The following IQCK variants were observed in gnomAD, a reference collection of about 807,000 sequenced individuals.
IQCK encodes the protein IQ domain-containing protein K.
Under a neutral mutation model 28.1 loss-of-function variants are expected in IQCK, and 29 were observed. That is an observed-to-expected ratio of 1.03 (90% CI 0.77 to 1.41). The LOEUF (loss-of-function observed/expected upper bound fraction) is 1.41. Among genes scored for constraint, IQCK ranks in the 40% most tolerant of loss-of-function variants. IQCK has a pLI of 0.00. For synonymous variants in IQCK, 113 were observed against 115.1 expected (o/e 0.98, Z 0.12); for missense variants, 359 against 314.7 (o/e 1.14, Z -1.07).
chr16:19,781,045 G>A (rs2055475600), intron 6 of IQCK, among the ~76,000 whole-genome samples: 1 of 152,164 alleles, frequency 6.6e-6, no homozygotes, highest in African/African-American at 2.4e-5. Context: ...TTTGAAAAGG[G>A]TGGGGAGGTA....
chr16:19,747,715 C>T (rs925847081), intron 4 of IQCK, among the ~76,000 whole-genome samples: 2 of 152,144 alleles, frequency 1.3e-5, no homozygotes, highest in African/African-American at 4.8e-5. Flanking sequence ...GTTTTAGCAC[C>T]CACTTATGAG....
At chr16:19,753,916 C>G (rs1276862654) in intron 4 of IQCK, among the ~76,000 whole-genome samples, 1 of 152,078 alleles carries the variant, frequency 6.6e-6, no homozygotes, top group Non-Finnish European at 1.5e-5. Context: ...CAAACTCTTT[C>G]AGGAAAGCAA....
At chr16:19,857,285 C>G (rs2056573864) in exon 10 of IQCK, 1 of 340,126 alleles carries the variant, frequency 2.9e-6, no homozygotes, top group South Asian at 2.4e-5. Context: ...TGACAAGCTA[C>G]CACACGTCTT....
chr16:19,753,827 T>A (rs2055017750), intron 4 of IQCK, among the ~76,000 whole-genome samples: 1 of 151,902 alleles, frequency 6.6e-6, no homozygotes, highest in Non-Finnish European at 1.5e-5. Context: ...CCGGGCTGGC[T>A]TCCTTTGGAT....
At chr16:19,730,348 A>T in intron 1 of IQCK, 82 bp from the exon 2 acceptor site, 1 of 1,050,176 alleles carries the variant, frequency 9.5e-7, no homozygotes, top group Non-Finnish European at 1.4e-6. Flanking sequence ...AAATTTAAGA[A>T]TGTTTTATTC....
At chr16:19,734,939 A>G (rs530739381) in intron 3 of IQCK, among the ~76,000 whole-genome samples, 3 of 152,152 alleles carry the variant, frequency 2.0e-5, no homozygotes, top group Admixed American at 2.0e-4. Context: ...TGCCTTCTGC[A>G]TGCCTTGGGC....
intron 3 of IQCK, 28 bp downstream of exon 3, chr16:19,733,855 A>C (rs746908243): frequency 6.2e-7 from 1 of 1,613,126 alleles, no homozygotes; most frequent in East Asian, 2.2e-5. Context: ...CATCTTTTAT[A>C]ATTTGGGGCT....
chr16:19,776,215 G>A (rs1416990554), intron 6 of IQCK, among the ~76,000 whole-genome samples: 6 of 152,138 alleles, frequency 3.9e-5, no homozygotes, highest in Non-Finnish European at 7.3e-5. Flanking sequence ...CTGAGGCAGA[G>A]AGAAATTAAG....
intron 7 of IQCK, among the ~76,000 whole-genome samples, chr16:19,811,152 T>G (rs149866752): frequency 2.6e-4 from 39 of 152,134 alleles, no homozygotes; most frequent in Admixed American, 2.0e-3. Flanking sequence ...GGTGTAGTGG[T>G]GCATGCCCGT....
intron 7 of IQCK, among the ~76,000 whole-genome samples, chr16:19,814,347 G>C (rs2055953340): frequency 6.6e-6 from 1 of 151,844 alleles, no homozygotes; most frequent in Non-Finnish European, 1.5e-5. Flanking sequence ...AGAGGTTGCA[G>C]TGAGCCGAGA....
At chr16:19,785,607 G>C (rs2055551893) in intron 6 of IQCK, among the ~76,000 whole-genome samples, 1 of 152,172 alleles carries the variant, frequency 6.6e-6, no homozygotes, top group African/African-American at 2.4e-5. Flanking sequence ...TGCGGGCCGA[G>C]TCTTTGTTTG....
downstream of IQCK, among the ~76,000 whole-genome samples, chr16:19,832,101 TAGTC>T (rs2056239457): frequency 6.6e-6 from 1 of 152,082 alleles, no homozygotes; most frequent in Non-Finnish European, 1.5e-5. Flanking sequence ...TAGCCTCACA[TAGTC>T]AGTAATTGTT....
At chr16:19,783,724 CTTA>C (rs1249815031) in intron 6 of IQCK, among the ~76,000 whole-genome samples, 2 of 152,182 alleles carry the variant, frequency 1.3e-5, no homozygotes, top group Admixed American at 6.5e-5. Flanking sequence ...CTTTCTCATA[CTTA>C]TTCTTGGTTT....
chr16:19,734,715 A>G (rs1186736460), intron 3 of IQCK, among the ~76,000 whole-genome samples: 2 of 150,574 alleles, frequency 1.3e-5, no homozygotes, highest in African/African-American at 4.9e-5. Flanking sequence ...TGAGAGGTCC[A>G]GGATGCAGTG....
intron 9 of IQCK, among the ~76,000 whole-genome samples, chr16:19,848,131 G>A (rs1255071478): frequency 2.0e-5 from 3 of 152,186 alleles, no homozygotes; most frequent in South Asian, 2.1e-4. Flanking sequence ...AGTGATGCAC[G>A]AGCAGTCTGC....
At chr16:19,724,658 A>G (rs1977599700) in intron 1 of IQCK, among the ~76,000 whole-genome samples, 1 of 152,024 alleles carries the variant, frequency 6.6e-6, no homozygotes, top group South Asian at 2.1e-4. Flanking sequence ...CGTCCTGAGT[A>G]GCTGGGACTA....
In IQCK at chr16:19,856,624, T is replaced by C; in HGVS notation, c.*76T>C. On this transcript the variant is annotated 3_prime_UTR_variant, in exon 10 of 10. Coordinates refer to the IQCK transcript ENST00000320394. ...AGGAAAATGTCCAAATGATGCTCTC[T>C]CTCTTGTGATTTCTTTAACAAGACT... 3 of 1,172,942 alleles carry C rather than the reference T, an allele frequency of 2.6e-6. No homozygotes were observed. In the South Asian group the frequency reaches 3.8e-5, roughly 15 times the overall value. 72.7% of individuals were successfully genotyped at this position (1,172,942 alleles called of 1,614,324 possible). A position where few individuals can be genotyped will look rare whatever the true frequency, so the allele number is the denominator to read the frequency against.
chr16:19,802,987 C>T (rs2055779113), intron 7 of IQCK, among the ~76,000 whole-genome samples: 1 of 152,166 alleles, frequency 6.6e-6, no homozygotes, highest in Admixed American at 6.5e-5. Flanking sequence ...TGGTCTCGAG[C>T]TTCACTGTTC....
chr16:19,778,009 C>T (rs1403707237), intron 6 of IQCK, among the ~76,000 whole-genome samples: 4 of 152,124 alleles, frequency 2.6e-5, no homozygotes, highest in East Asian at 1.9e-4. Flanking sequence ...GCTGAGATCG[C>T]GCCATTGCAC....
Sources: gnomAD v4.1 joint callset for allele counts (sites outside exome capture counted in the v4.1 genomes callset) on GRCh38, gnomAD v4.1.1 for gene constraint, MANE v1.5 for transcripts, NCBI Gene and HGNC (gene_info 2026-07-23, HGNC 2026-07-21) for gene names.